The following FAT1 variants were observed in gnomAD, a reference collection of about 807,000 sequenced individuals.
The protein encoded by FAT1 is protocadherin Fat 1.
FAT1 carries 171 observed loss-of-function variants against 329.8 expected under a neutral mutation model. The observed-to-expected ratio is 0.52, with a 90% CI of 0.46 to 0.59. FAT1 has a LOEUF of 0.59. Ranked by LOEUF, FAT1 falls within the 20% of genes least tolerant of loss-of-function variation. FAT1 has a pLI of 0.00. For synonymous variants in FAT1, 2,233 were observed against 2,228.6 expected, an observed-to-expected ratio of 1.00 and a Z score of -0.06; for missense variants, 5,672 against 5,774.4, an observed-to-expected ratio of 0.98 and a Z score of 0.57.
In FAT1 at chr4:186,603,699, T is replaced by G. The variant is rs374269049; in HGVS notation, c.10827A>C (p.Gln3609His). 1 of 1,614,004 alleles carries G rather than the reference T, an allele frequency of 6.2e-7. No homozygotes were observed. The highest frequency in any genetic ancestry group is 8.5e-7 in the Non-Finnish European group (1 of 1,179,896). The part of the protein sequence containing the change: ...LIAHKKLDIG[Q>H]YLLNVSVTDG... ...CTGTTACGCTGACATTGAGAAGGTA[T>G]TGCCCTATGTCTAGCTTTTTGTGTG... The change falls in exon 19 of 27, where the codon CAA becomes CAC. Residue 3609 changes from glutamine to histidine, a missense_variant. By Grantham distance (24) the Gln-to-His change is conservative. This residue lies in a region of FAT1 where 1,706 missense variants were observed against 1,859.1 expected (regional missense o/e 0.92). Coordinates refer to ENST00000441802, the MANE Select transcript of FAT1 (RefSeq NM_005245.4).
intron 3 of FAT1, among the ~76,000 whole-genome samples, chr4:186,660,783 C>T (rs529259304): frequency 1.3e-5 from 2 of 152,318 alleles, no homozygotes; most frequent in South Asian, 4.1e-4. Flanking sequence ...CAAGACATAA[C>T]ACCATAGCAG....
At chr4:186,695,420 T>C (rs934399048) in intron 2 of FAT1, among the ~76,000 whole-genome samples, 11 of 152,130 alleles carry the variant, frequency 7.2e-5, no homozygotes, top group African/African-American at 2.4e-4. Flanking sequence ...AACTGCTTTG[T>C]TGTTCTTATT....
intron 3 of FAT1, among the ~76,000 whole-genome samples, chr4:186,641,366 AT>A (rs1452680873): frequency 6.6e-6 from 1 of 152,240 alleles, no homozygotes; most frequent in Non-Finnish European, 1.5e-5. Flanking sequence ...CTTAATTTTC[AT>A]TAGTCAAAAA....
At chr4:186,622,013 G>GC (rs1336178543) in intron 9 of FAT1, among the ~76,000 whole-genome samples, 1 of 152,274 alleles carries the variant, frequency 6.6e-6, no homozygotes, top group East Asian at 1.9e-4. Context: ...AGAAGAAACA[G>GC]CACTCTGCTC....
chr4:186,718,387 G>A (rs1226591928), intron 1 of FAT1, among the ~76,000 whole-genome samples: 3 of 152,112 alleles, frequency 2.0e-5, no homozygotes, highest in Non-Finnish European at 2.9e-5. Context: ...AAATAAGCTT[G>A]GCCAGACACG....
At chr4:186,607,650 A>G (rs1254564556) in intron 16 of FAT1, among the ~76,000 whole-genome samples, 2 of 151,064 alleles carry the variant, frequency 1.3e-5, no homozygotes, top group Non-Finnish European at 3.0e-5. Flanking sequence ...TGGGTGAGTG[A>G]ATAGATAACT....
rs1340793072 is a variant in FAT1, at chr4:186,621,707, G to T, written c.4879C>A (p.Arg1627=). The change falls in exon 10 of 27, where the codon CGA becomes AGA. Residue 1627 remains arginine, a synonymous_variant. Transcript: ENST00000441802. ...GSIKTAKELD[R]SNQAEYDLMV... is the part of the protein sequence containing the mutation. ...AAATCATACTCCGCTTGGTTACTTC[G>T]ATCTAATTCTTTGGCAGTTTTAATA... is the stretch of plus-strand genomic sequence containing the variant. 11 of 1,613,076 alleles carry T rather than the reference G, an allele frequency of 6.8e-6. No homozygotes were observed. The highest frequency in any genetic ancestry group is 9.3e-6 in the Non-Finnish European group (11 of 1,179,648).
chr4:186,677,571 G>T (rs1325214920), intron 2 of FAT1, among the ~76,000 whole-genome samples: 1 of 151,386 alleles, frequency 6.6e-6, no homozygotes, highest in Non-Finnish European at 1.5e-5. Context: ...CACAAAAGAG[G>T]GCACACCTGT....
rs757496823 is a variant in FAT1, at chr4:186,618,606, G to A, written c.7980C>T (p.Ser2660=). ...KLSGVITTKE[S]LIGLENEFFT... ...AGAATTCATTTTCCAAGCCAATGAG[G>A]CTCTCCTTTGTAGTGATTACGCCGG... The change falls in exon 10 of 27, where the codon AGC becomes AGT. Residue 2660 remains serine (S), a synonymous_variant. Coordinates refer to ENST00000441802, the MANE Select transcript of FAT1 (RefSeq NM_005245.4). 1.9e-6 allele frequency: 3 copies of A among 1,613,986 alleles called. No homozygotes were observed. Among genetic ancestry groups the A allele is most frequent in the South Asian group, 2.2e-5 (2 of 91,078 alleles).
intron 3 of FAT1, among the ~76,000 whole-genome samples, chr4:186,653,083 C>G (rs143208433): frequency 1.3e-5 from 2 of 152,118 alleles, no homozygotes; most frequent in Non-Finnish European, 2.9e-5. Context: ...GAAATGGAAA[C>G]TGAGTAATTT....
chr4:186,648,205 G>A lies in FAT1; in HGVS notation c.3581-8422C>T, dbSNP rs543757268. ...AGAGGAGAGAGGAGGGAAGAGAGGA[G>A]ACAGGAGAACTTCATTTTATACACT... On this transcript the variant is annotated intron_variant, in intron 3 of 26. Coordinates refer to ENST00000441802, the MANE Select transcript of FAT1 (RefSeq NM_005245.4). 3.9e-5 allele frequency among the ~76,000 whole-genome samples: 6 copies of A among 152,194 alleles called. No individual in the cohort carries two copies. The South Asian group carries it at 1.2e-3, about 32-fold the overall frequency.
At position 186,601,390 on chromosome 4, in the gene FAT1, A is replaced by C; in HGVS notation, c.11519T>G (p.Val3840Gly). The change falls in exon 21 of 27, where the codon GTG becomes GGG. Residue 3840 changes from valine (V) to glycine (G), a missense_variant. By Grantham distance (109) the Val-to-Gly change is moderately radical. Coordinates refer to ENST00000441802, the MANE Select transcript of FAT1 (RefSeq NM_005245.4). ...SSMTLTGNSY[V>G]KYRLTENENK... ...TTCATTTTCCGTCAGACGGTATTTC[A>C]CGTAGCTGTTTCCAGTCAGTGTCAT... 6.2e-7 allele frequency: 1 copy of C among 1,613,378 alleles called. No individual in the cohort carries two copies. Among genetic ancestry groups the C allele is most frequent in the Non-Finnish European group, 8.5e-7 (1 of 1,179,396 alleles).
chr4:186,633,129 G>A (rs946350047), intron 7 of FAT1, among the ~76,000 whole-genome samples: 1 of 152,018 alleles, frequency 6.6e-6, no homozygotes, highest in Non-Finnish European at 1.5e-5. Flanking sequence ...CCAAAGAAAA[G>A]TAATAAGAAA....
chr4:186,625,243 T>A (rs1476674223), intron 9 of FAT1, among the ~76,000 whole-genome samples: 1 of 152,228 alleles, frequency 6.6e-6, no homozygotes, highest in Admixed American at 6.5e-5. Flanking sequence ...TACGCAGGCA[T>A]GCACAAATGG....
chr4:186,614,134 C>T (rs934718610), intron 12 of FAT1, 57 bp downstream of exon 12: 11 of 1,417,844 alleles, frequency 7.8e-6, no homozygotes, highest in Non-Finnish European at 1.0e-5. Context: ...TAAAATCACC[C>T]ACATATATGA....
intron 14 of FAT1, among the ~76,000 whole-genome samples, chr4:186,610,356 T>A (rs959806679): frequency 6.6e-6 from 1 of 151,908 alleles, no homozygotes; most frequent in Non-Finnish European, 1.5e-5. Context: ...ATCAACAAAA[T>A]AAAAACGTAA....
rs1426987344 is a variant in FAT1, at chr4:186,636,244, T to C, written c.3973-9A>G. On this transcript the variant is annotated splice_polypyrimidine_tract_variant and intron_variant, in intron 5 of 26. Transcript: ENST00000441802. Reference sequence around the variant, plus strand: ...TTGTCAACTGCCTTAATCTACAACATTTGGGCAGAGGGGATTAAAAACAGC... The same window carrying C: ...TTGTCAACTGCCTTAATCTACAACACTTGGGCAGAGGGGATTAAAAACAGC... The C allele has an allele frequency of 6.2e-7, 1 of 1,613,128 alleles. No homozygotes were observed. Among genetic ancestry groups the C allele is most frequent in the Admixed American group, 1.7e-5 (1 of 60,022 alleles).
chr4:186,676,844 T>G (rs958071985), intron 2 of FAT1, among the ~76,000 whole-genome samples: 1 of 152,216 alleles, frequency 6.6e-6, no homozygotes, highest in African/African-American at 2.4e-5. Context: ...AAACAGATTA[T>G]AAATACAGAA....
At chr4:186,605,233 AAAG>A (rs1235711724) in intron 17 of FAT1, among the ~76,000 whole-genome samples, 1 of 144,720 alleles carries the variant, frequency 6.9e-6, no homozygotes, top group Non-Finnish European at 1.5e-5. Flanking sequence ...AAAAAAAAAA[AAAG>A]AGGAAGAGAG....
Sources: gnomAD v4.1 joint callset for allele counts (sites outside exome capture counted in the v4.1 genomes callset) on GRCh38, gnomAD v4.1.1 for gene constraint, gnomAD v4.1.1 regional missense constraint, MANE v1.5 for transcripts, NCBI Gene and HGNC (gene_info 2026-07-23, HGNC 2026-07-21) for gene names.